Variants in LPXN observed in about 807,000 individuals in gnomAD.
LPXN encodes leupaxin.
A neutral mutation model predicts 45.6 loss-of-function variants in LPXN; 28 were observed. The ratio of observed to expected loss-of-function variants is 0.61; its 90% CI spans 0.45 to 0.84. The LOEUF is 0.84. LPXN is among the 40% of genes least tolerant of loss of function. The probability of loss-of-function intolerance (pLI) is 0.00; values close to 1 mark genes in which losing one functional copy is unlikely to be tolerated. For missense variants in LPXN, 459 were observed against 475.0 expected (o/e 0.97, Z 0.31); for synonymous variants, 166 against 169.9 (o/e 0.98, Z 0.18).
intron 7 of LPXN, among the ~76,000 whole-genome samples, chr11:58,528,632 T>G (rs1465588678): frequency 6.6e-6 from 1 of 152,202 alleles, no homozygotes; most frequent in Non-Finnish European, 1.5e-5. Context: ...CTGTCTCCCC[T>G]TACAGGAACA....
chr11:58,530,740 C>T (rs1853363740), intron 7 of LPXN, among the ~76,000 whole-genome samples: 1 of 152,166 alleles, frequency 6.6e-6, no homozygotes, highest in African/African-American at 2.4e-5. Flanking sequence ...GTCTGTGGCC[C>T]CCGTGTCTCC....
upstream of LPXN, among the ~76,000 whole-genome samples, chr11:58,576,900 T>C (rs1590598554): frequency 2.0e-5 from 3 of 152,306 alleles, no homozygotes; most frequent in Admixed American, 2.0e-4. Context: ...TCTCAGCTTC[T>C]GGAGTAGCTG....
At chr11:58,578,525 GC>G (rs1384725810), upstream of LPXN, among the ~76,000 whole-genome samples, 2 of 152,214 alleles carry the variant, frequency 1.3e-5, no homozygotes, top group African/African-American at 4.8e-5. Context: ...AACCGACGGG[GC>G]TTTTTTTCTT....
upstream of LPXN, among the ~76,000 whole-genome samples, chr11:58,577,199 A>G (rs1285747748): frequency 6.6e-6 from 1 of 151,858 alleles, no homozygotes; most frequent in African/African-American, 2.4e-5. Flanking sequence ...CATCCATTGG[A>G]TGTCAGCACT....
chr11:58,574,686 CAAA>C (rs1222682450), intron 1 of LPXN, among the ~76,000 whole-genome samples: 1 of 152,000 alleles, frequency 6.6e-6, no homozygotes, highest in African/African-American at 2.4e-5. Flanking sequence ...ACCCCAAGTC[CAAA>C]AAAGAGTCTG....
chr11:58,575,702 A>C, intron 1 of LPXN, 58 bp downstream of exon 1: 1 of 1,593,492 alleles, frequency 6.3e-7, no homozygotes, highest in Non-Finnish European at 8.6e-7. Flanking sequence ...CCACCACACA[A>C]GGAGATGGCA....
intron 3 of LPXN, among the ~76,000 whole-genome samples, chr11:58,558,703 A>G (rs1854286199): frequency 6.6e-6 from 1 of 152,054 alleles, no homozygotes; most frequent in Non-Finnish European, 1.5e-5. Flanking sequence ...AAAACAGACT[A>G]TTCGACTCAA....
chr11:58,565,060 C>G (rs1026562120), intron 2 of LPXN, among the ~76,000 whole-genome samples: 4 of 152,046 alleles, frequency 2.6e-5, no homozygotes, highest in African/African-American at 9.7e-5. Context: ...ATGAGGTGGC[C>G]ACATCACCAA....
At chr11:58,563,975 G>A (rs1233126951) in intron 3 of LPXN, among the ~76,000 whole-genome samples, 180 bp downstream of exon 3, 1 of 152,166 alleles carries the variant, frequency 6.6e-6, no homozygotes, top group Non-Finnish European at 1.5e-5. Context: ...CAGGCACCTT[G>A]AGAAGTTGTC....
intron 2 of LPXN, among the ~76,000 whole-genome samples, chr11:58,567,157 T>C (rs1854549989): frequency 1.3e-5 from 2 of 152,224 alleles, no homozygotes; most frequent in South Asian, 4.1e-4. Flanking sequence ...TTCTGCTTCA[T>C]AGCTTGTTAA....
intron 7 of LPXN, among the ~76,000 whole-genome samples, chr11:58,546,250 T>A (rs1358173919): frequency 6.6e-6 from 1 of 152,052 alleles, no homozygotes; most frequent in African/African-American, 2.4e-5. Flanking sequence ...TATGATAACA[T>A]CAGAGGGGCT....
At chr11:58,532,193 G>T (rs1853410557) in intron 7 of LPXN, among the ~76,000 whole-genome samples, 2 of 152,356 alleles carry the variant, frequency 1.3e-5, no homozygotes, top group East Asian at 3.9e-4. Context: ...TGTGGCGCAG[G>T]GCTTGGGATC....
Position 58,551,127 on chromosome 11 carries a change from G to A in LPXN, c.424C>T (p.Leu142Phe), listed in dbSNP as rs1464804203. Residue 142 changes from leucine (L) to phenylalanine (F), a missense_variant, in exon 5 of 9, where the codon CTT becomes TTT. Transcript: ENST00000395074. ...LGGLEQELQDLGIATVPKGHC... is the reference protein window; with the variant it reads ...LGGLEQELQDFGIATVPKGHC... The stretch of plus-strand genomic sequence containing the variant: ...CCCTTGGGCACTGTGGCAATGCCAA[G>A]GTCCTGCAATTCCTGCTCCAGACCC... 1.9e-6 allele frequency: 3 copies of A among 1,610,124 alleles called. No homozygotes were observed. The highest frequency in any genetic ancestry group is 1.1e-5 in the South Asian group (1 of 90,540).
intron 7 of LPXN, among the ~76,000 whole-genome samples, chr11:58,529,893 A>C (rs1289764622): frequency 6.6e-6 from 1 of 152,130 alleles, no homozygotes; most frequent in African/African-American, 2.4e-5. Context: ...GGGCAAGCCG[A>C]AAAAGGGTGG....
At chr11:58,550,983 A>T in intron 5 of LPXN, 82 bp downstream of exon 5, 1 of 1,318,954 alleles carries the variant, frequency 7.6e-7, no homozygotes, top group Non-Finnish European at 1.0e-6. Context: ...AAATATCTTA[A>T]AATATAAGGG....
chr11:58,554,799 C>A lies in LPXN; in HGVS notation c.318+42G>T, dbSNP rs755670517. ...CCATGGGCCCTGTTTATCATCTGGA[C>A]TGCACTCACCTTGGCCTGCACTCAC... On this transcript the variant is annotated intron_variant, in intron 4 of 8. Coordinates refer to ENST00000395074, the MANE Select transcript of LPXN (RefSeq NM_004811.3). 10 of 1,498,182 alleles carry A rather than the reference C, an allele frequency of 6.7e-6. No individual in the cohort carries two copies. The Admixed American group carries it at 7.2e-5, about 11-fold the overall frequency. The allele number at this position is 1,498,182 out of a possible 1,614,324, so 92.8% of individuals were successfully genotyped here.
intron 2 of LPXN, 151 bp downstream of exon 2, chr11:58,570,405 A>G: frequency 2.0e-6 from 1 of 494,584 alleles, no homozygotes; most frequent in Non-Finnish European, 3.4e-6. Context: ...TCCTCTTTCC[A>G]AAAACATCTT....
chr11:58,545,030 C>T lies in LPXN; in HGVS notation c.742+4756G>A, dbSNP rs926546448. Reference sequence around the variant, plus strand: ...TAACTTGGGGTGAGGCAGGATGACACCTAATTAATGAACTGATCATATGGC... The same window carrying T: ...TAACTTGGGGTGAGGCAGGATGACATCTAATTAATGAACTGATCATATGGC... On this transcript the variant is annotated intron_variant, in intron 7 of 8. Transcript: ENST00000395074. Among the ~76,000 whole-genome samples, 9 of 152,218 alleles carry T rather than the reference C, an allele frequency of 5.9e-5. 1 individual carries two copies. The highest frequency in any genetic ancestry group is 5.9e-4 in the Admixed American group (9 of 15,276).
intron 8 of LPXN, 44 bp from the exon 9 acceptor site, chr11:58,527,767 A>C: frequency 6.4e-7 from 1 of 1,571,252 alleles, no homozygotes; most frequent in Non-Finnish European, 8.7e-7. Flanking sequence ...AAATGTCAAG[A>C]GGTAAAATGT....
Sources: gnomAD v4.1 joint callset for allele counts (sites outside exome capture counted in the v4.1 genomes callset) on GRCh38, gnomAD v4.1.1 for gene constraint, MANE v1.5 for transcripts, NCBI Gene and HGNC (gene_info 2026-07-23, HGNC 2026-07-21) for gene names.